The following ZFPM2 variants were observed in gnomAD, a reference collection of about 807,000 sequenced individuals.
The protein encoded by ZFPM2 is zinc finger protein, FOG family member 2, also known as zinc finger protein ZFPM2.
A neutral mutation model predicts 98.6 loss-of-function variants in ZFPM2; 20 were observed. The ratio of observed to expected loss-of-function variants is 0.20; its 90% CI spans 0.14 to 0.29. ZFPM2 has a LOEUF of 0.29. Ranked by LOEUF, ZFPM2 falls within the 10% of genes least tolerant of loss-of-function variation. The pLI is 1.00. For missense variants in ZFPM2, 1,310 were observed against 1,388.6 expected (o/e 0.94, Z 0.90); for synonymous variants, 518 against 502.7 (o/e 1.03, Z -0.41).
chr8:105,346,619 G>T (rs1360734613), intron 1 of ZFPM2, among the ~76,000 whole-genome samples: 1 of 152,130 alleles, frequency 6.6e-6, no homozygotes, highest in Non-Finnish European at 1.5e-5. Context: ...TATGTGCTAA[G>T]GACTCTGTTA....
chr8:105,757,568 A>C (rs990640880), intron 5 of ZFPM2, among the ~76,000 whole-genome samples: 35 of 152,188 alleles, frequency 2.3e-4, no homozygotes, highest in African/African-American at 8.4e-4. Flanking sequence ...ATTCAAAATA[A>C]ATTTGCAAAC....
intron 4 of ZFPM2, among the ~76,000 whole-genome samples, chr8:105,566,429 G>A (rs1409354428): frequency 6.6e-6 from 1 of 152,088 alleles, no homozygotes; most frequent in Non-Finnish European, 1.5e-5. Flanking sequence ...CTACTGATGA[G>A]GAAGAAATTT....
chr8:105,693,163 A>G (rs1810929593), intron 5 of ZFPM2, among the ~76,000 whole-genome samples: 1 of 152,206 alleles, frequency 6.6e-6, no homozygotes, highest in Admixed American at 6.5e-5. Flanking sequence ...CCATCATAAA[A>G]TTGTCACATA....
intron 3 of ZFPM2, among the ~76,000 whole-genome samples, chr8:105,499,484 TAGTC>T (rs758567692): frequency 7.7e-4 from 117 of 152,238 alleles, no homozygotes; most frequent in Admixed American, 2.3e-3. Flanking sequence ...AGAAACCTCA[TAGTC>T]AGAGGAATTT....
At chr8:105,605,182 C>A (rs1334333347) in intron 4 of ZFPM2, among the ~76,000 whole-genome samples, 1 of 152,086 alleles carries the variant, frequency 6.6e-6, no homozygotes, top group Non-Finnish European at 1.5e-5. Context: ...CAAAAGACAG[C>A]GGAGATAGTA....
rs201777759 is a variant in ZFPM2 at position 105,431,366 on chromosome 8, TAATG to T, written c.199+12071_199+12074del. 3.1e-3 allele frequency among the ~76,000 whole-genome samples: 465 copies of T among 152,332 alleles called. 6 individuals carry two copies. The highest frequency in any genetic ancestry group is 0.024 in the East Asian group (126 of 5,172). Reference sequence around the variant, plus strand: ...TGCTTTGCTTGGTTATTAGAATAATTAATGAATGAAAGCATAATGGCAGTCAGTG... The same window carrying T: ...TGCTTTGCTTGGTTATTAGAATAATTAATGAAAGCATAATGGCAGTCAGTG... On this transcript the variant is annotated intron_variant, in intron 2 of 7. Transcript: ENST00000407775.
intron 1 of ZFPM2, among the ~76,000 whole-genome samples, chr8:105,382,884 A>T (rs1365156063): frequency 6.6e-6 from 1 of 152,136 alleles, no homozygotes; most frequent in African/African-American, 2.4e-5. Flanking sequence ...AGCTTTGGTG[A>T]CGATGATGAC....
rs1487394608 is a variant in ZFPM2 at position 105,739,343 on chromosome 8, A to G, written c.533-49375A>G. On this transcript the variant is annotated intron_variant, in intron 5 of 7. Coordinates refer to ENST00000407775, the MANE Select transcript of ZFPM2 (RefSeq NM_012082.4). ...AGATTATAACGAGTAAATTAAGTGTAGTTGTAATCTGTTTCCCCGAATTGT... is the reference window on the plus strand; with the variant it reads ...AGATTATAACGAGTAAATTAAGTGTGGTTGTAATCTGTTTCCCCGAATTGT... Among the ~76,000 whole-genome samples the G allele has an allele frequency of 2.6e-5, 4 of 152,098 alleles. No individual in the cohort carries two copies. The East Asian group carries it at 7.7e-4, about 29-fold the overall frequency.
intron 3 of ZFPM2, among the ~76,000 whole-genome samples, chr8:105,528,164 T>C (rs767167429): frequency 6.6e-6 from 1 of 152,118 alleles, no homozygotes; most frequent in African/African-American, 2.4e-5. Context: ...AAGGAAGGCT[T>C]GATGGGGAGG....
intron 5 of ZFPM2, among the ~76,000 whole-genome samples, chr8:105,729,645 T>C (rs1219780055): frequency 1.3e-5 from 2 of 151,694 alleles, no homozygotes; most frequent in East Asian, 1.9e-4. Context: ...GTGAAGAGTG[T>C]AAATGAATCA....
At position 105,633,136 on chromosome 8, in the gene ZFPM2, A is replaced by G. The variant is rs187837742; in HGVS notation, c.421-1110A>G. ...TTTCCAGATTCCTGAAAGTTTTGAAATCACCAGATTATGTGGAACTCCTCA... is the reference window on the plus strand; with the variant it reads ...TTTCCAGATTCCTGAAAGTTTTGAAGTCACCAGATTATGTGGAACTCCTCA... On this transcript the variant is annotated intron_variant, in intron 4 of 7. Coordinates refer to ENST00000407775, the MANE Select transcript of ZFPM2 (RefSeq NM_012082.4). Among the ~76,000 whole-genome samples the G allele has an allele frequency of 7.4e-4, 113 of 152,304 alleles. 1 individual carries two copies. Among genetic ancestry groups the G allele is most frequent in the Admixed American group, 2.6e-3 (39 of 15,288 alleles).
chr8:105,585,276 A>G (rs1332429250), intron 4 of ZFPM2, among the ~76,000 whole-genome samples: 1 of 152,192 alleles, frequency 6.6e-6, no homozygotes, highest in African/African-American at 2.4e-5. Flanking sequence ...TGTGAATAAT[A>G]GTATATGTAA....
At chr8:105,411,456 G>A (rs1020524245) in intron 1 of ZFPM2, among the ~76,000 whole-genome samples, 2 of 151,650 alleles carry the variant, frequency 1.3e-5, no homozygotes, top group Non-Finnish European at 2.9e-5. Flanking sequence ...ACCATGTTTA[G>A]CATCCTCAGT....
chr8:105,764,267 C>G lies in ZFPM2; in HGVS notation c.533-24451C>G, dbSNP rs554199269. Among the ~76,000 whole-genome samples, 12 of 140,064 alleles carry G rather than the reference C, an allele frequency of 8.6e-5. No individual in the cohort carries two copies. In the East Asian group the frequency reaches 2.3e-3, roughly 27 times the overall value. The allele number at this position is 140,064 out of a possible 152,430, so 91.9% of individuals were successfully genotyped here. ...GATCAAGGTTTAAAACTCTCTCTCTCTTTCTCTCTCTCTCTCTCTGACACA... is the reference window on the plus strand; with the variant it reads ...GATCAAGGTTTAAAACTCTCTCTCTGTTTCTCTCTCTCTCTCTCTGACACA... On this transcript the variant is annotated intron_variant, in intron 5 of 7. Coordinates refer to ENST00000407775, the MANE Select transcript of ZFPM2 (RefSeq NM_012082.4).
At chr8:105,352,258 C>A (rs1812663102) in intron 1 of ZFPM2, among the ~76,000 whole-genome samples, 1 of 152,088 alleles carries the variant, frequency 6.6e-6, no homozygotes, top group Non-Finnish European at 1.5e-5. Flanking sequence ...AACTTTGAAA[C>A]CATAGTAGAA....
rs73697367 is a variant in ZFPM2, at chr8:105,510,413, G to T, written c.302-50950G>T. ...GTCTGTGCATGTTTTTTTTTTTTTT[G>T]TTTGTTTGTTTGTTTCCAAGGAATT... On this transcript the variant is annotated intron_variant, in intron 3 of 7. Coordinates refer to ENST00000407775, the MANE Select transcript of ZFPM2 (RefSeq NM_012082.4). 8.8e-3 allele frequency among the ~76,000 whole-genome samples: 1,212 copies of T among 138,212 alleles called. 9 individuals carry two copies. The highest frequency in any genetic ancestry group is 0.038 in the Middle Eastern group (10 of 264). The allele number at this position is 138,212 out of a possible 152,430, so 90.7% of individuals were successfully genotyped here. A position where few individuals can be genotyped will look rare whatever the true frequency, so the allele number is the denominator to read the frequency against.
At chr8:105,414,258 A>G (rs1177329137) in intron 1 of ZFPM2, among the ~76,000 whole-genome samples, 1 of 152,032 alleles carries the variant, frequency 6.6e-6, no homozygotes, top group African/African-American at 2.4e-5. Flanking sequence ...GGGGGATATT[A>G]TATCAGAACC....
At chr8:105,389,013 CGTGTGTGTGTGTGTGTGT>C (rs142145699) in intron 1 of ZFPM2, among the ~76,000 whole-genome samples, 41 of 134,904 alleles carry the variant, frequency 3.0e-4, no homozygotes, top group African/African-American at 8.7e-4. Flanking sequence ...AATTTGATGA[CGTGTGTGTGTGTGTGTGT>C]GTGTGTGTGT....
At chr8:105,620,935 C>T (rs572388508) in intron 4 of ZFPM2, among the ~76,000 whole-genome samples, 4 of 152,238 alleles carry the variant, frequency 2.6e-5, no homozygotes, top group African/African-American at 9.6e-5. Context: ...GTCGCTGTAG[C>T]CTCGTAGTAT....
Sources: allele counts gnomAD v4.1 joint callset (sites outside exome capture counted in the v4.1 genomes callset), GRCh38; gene constraint gnomAD v4.1.1; transcripts MANE v1.5; gene names NCBI Gene and HGNC (gene_info 2026-07-23, HGNC 2026-07-21).